The following DYNC1I2 variants were observed in gnomAD, a reference collection of about 807,000 sequenced individuals.
DYNC1I2 encodes cytoplasmic dynein 1 intermediate chain 2.
DYNC1I2 carries 53 observed loss-of-function variants against 88.6 expected under a neutral mutation model. The observed-to-expected ratio is 0.60, with a 90% CI of 0.48 to 0.75. DYNC1I2 has a LOEUF of 0.75. Among genes scored for constraint, DYNC1I2 ranks in the 30% least tolerant of loss-of-function variants. DYNC1I2 has a pLI of 0.00. For synonymous variants in DYNC1I2, 198 were observed against 254.6 expected (o/e 0.78, Z 2.12); for missense variants, 458 against 766.6 (o/e 0.60, Z 4.75).
At chr2:171,720,849 G>A (rs1473309484) in intron 7 of DYNC1I2, among the ~76,000 whole-genome samples, 1 of 152,062 alleles carries the variant, frequency 6.6e-6, no homozygotes, top group Non-Finnish European at 1.5e-5. Context: ...GAAAATTGAA[G>A]CATTTGTTCT....
At chr2:171,744,889 A>G (rs115536274) in intron 16 of DYNC1I2, among the ~76,000 whole-genome samples, 1,724 of 152,276 alleles carry the variant, frequency 0.011, 14 homozygotes, top group South Asian at 0.033. Context: ...GTCAATAACA[A>G]TTGTTGAGAG....
chr2:171,705,387 G>A (rs1442032302), intron 3 of DYNC1I2, among the ~76,000 whole-genome samples: 1 of 152,052 alleles, frequency 6.6e-6, no homozygotes, highest in African/African-American at 2.4e-5. Context: ...ATCACAAATA[G>A]ATTGATGGGA....
chr2:171,731,432 A>G (rs1035236032), intron 15 of DYNC1I2, among the ~76,000 whole-genome samples: 2 of 152,182 alleles, frequency 1.3e-5, no homozygotes, highest in Non-Finnish European at 2.9e-5. Context: ...AGGTCATCAA[A>G]TAGTGTGTTT....
At chr2:171,737,831 A>G (rs549060564) in intron 15 of DYNC1I2, among the ~76,000 whole-genome samples, 1 of 151,896 alleles carries the variant, frequency 6.6e-6, no homozygotes, top group East Asian at 1.9e-4. Context: ...TTTTAGGTTC[A>G]GGGGTACGTT....
intron 5 of DYNC1I2, 69 bp from the exon 6 acceptor site, chr2:171,712,698 G>C: frequency 9.4e-7 from 1 of 1,064,242 alleles, no homozygotes; most frequent in Non-Finnish European, 1.4e-6. Context: ...GCTATTCATA[G>C]AATGTATTTG....
chr2:171,697,223 G>A (rs1173192174), intron 3 of DYNC1I2, among the ~76,000 whole-genome samples: 1 of 151,788 alleles, frequency 6.6e-6, no homozygotes. Flanking sequence ...GTCTCACTAT[G>A]TTGCCAGGGC....
chr2:171,734,442 G>C (rs1485454747), intron 15 of DYNC1I2, among the ~76,000 whole-genome samples: 1 of 152,162 alleles, frequency 6.6e-6, no homozygotes. Context: ...GAATAAGAAT[G>C]ACAAGTGGGC....
intron 15 of DYNC1I2, among the ~76,000 whole-genome samples, chr2:171,739,052 G>A (rs1689210697): frequency 6.7e-6 from 1 of 148,620 alleles, no homozygotes; most frequent in Non-Finnish European, 1.5e-5. Context: ...GGAGGCAGAG[G>A]TTGCAGTGAG....
At chr2:171,693,232 A>G (rs926838766) in intron 3 of DYNC1I2, 10 of 280,508 alleles carry the variant, frequency 3.6e-5, no homozygotes, top group South Asian at 7.7e-5. Flanking sequence ...TCTGAACTCT[A>G]TATTCCTTTC....
chr2:171,727,866 G>C lies in DYNC1I2; in HGVS notation c.1042G>C (p.Val348Leu), dbSNP rs771016003. Residue 348 changes from valine to leucine, a missense_variant, in exon 12 of 18, where the codon GTT becomes CTT. Coordinates refer to ENST00000397119, the MANE Select transcript of DYNC1I2 (RefSeq NM_001378.3). ...ATTTGCAAAATTTCATCCAAATCTT[G>C]TTGTTGGTGGTACATATTCAGGCCA... ...ATFAKFHPNL[V>L]VGGTYSGQIV... 3.1e-6 allele frequency: 5 copies of C among 1,612,736 alleles called. No homozygotes were observed. The highest frequency in any genetic ancestry group is 1.7e-5 in the Admixed American group (1 of 59,918).
At chr2:171,720,989 A>T (rs1204699003) in intron 7 of DYNC1I2, among the ~76,000 whole-genome samples, 4 of 152,012 alleles carry the variant, frequency 2.6e-5, no homozygotes, top group African/African-American at 9.6e-5. Context: ...CCCAAATTTT[A>T]TATAAAAAGG....
intron 13 of DYNC1I2, 146 bp downstream of exon 13, chr2:171,728,564 C>CAT (rs1011221694): frequency 2.1e-4 from 171 of 827,084 alleles, no homozygotes; most frequent in Middle Eastern, 1.5e-3. Context: ...AAGTTTGTTT[C>CAT]ATATATATAT....
chr2:171,706,880 G>T (rs962641446), intron 4 of DYNC1I2: 2 of 401,676 alleles, frequency 5.0e-6, no homozygotes. Context: ...ACATATTTCA[G>T]AGTTGAATTT....
intron 7 of DYNC1I2, among the ~76,000 whole-genome samples, chr2:171,722,234 A>G (rs1687948202): frequency 6.6e-6 from 1 of 152,178 alleles, no homozygotes; most frequent in African/African-American, 2.4e-5. Flanking sequence ...TTTACAAAAC[A>G]GCTTTTCTTT....
chr2:171,735,080 C>T (rs1688913349), intron 15 of DYNC1I2, among the ~76,000 whole-genome samples: 2 of 152,278 alleles, frequency 1.3e-5, no homozygotes, highest in Admixed American at 6.5e-5. Flanking sequence ...AAGACTGAAT[C>T]GTGAGATATT....
intron 16 of DYNC1I2, among the ~76,000 whole-genome samples, chr2:171,745,293 A>G (rs1689705865): frequency 1.3e-5 from 2 of 152,194 alleles, no homozygotes; most frequent in Admixed American, 6.5e-5. Context: ...CTCATGGAAC[A>G]AGAGGCTTTA....
chr2:171,732,994 C>T (rs1390581020), intron 15 of DYNC1I2, among the ~76,000 whole-genome samples: 1 of 152,154 alleles, frequency 6.6e-6, no homozygotes, highest in Admixed American at 6.5e-5. Context: ...CCTCCTCCCA[C>T]GCTCACCCTT....
At position 171,713,250 on chromosome 2, in the gene DYNC1I2, A is replaced by G. The variant is rs149980638; in HGVS notation, c.395+424A>G. On this transcript the variant is annotated intron_variant, in intron 6 of 17. Coordinates refer to ENST00000397119, the MANE Select transcript of DYNC1I2 (RefSeq NM_001378.3). ...TGGTCCTTACACTGTTCATTCATTCATTACTATTTATTCATGAATCTAGAA... is the reference window on the plus strand; with the variant it reads ...TGGTCCTTACACTGTTCATTCATTCGTTACTATTTATTCATGAATCTAGAA... 3.7e-4 allele frequency among the ~76,000 whole-genome samples: 56 copies of G among 152,218 alleles called. No individual in the cohort carries two copies. The East Asian group carries it at 8.3e-3, about 23-fold the overall frequency.
intron 15 of DYNC1I2, among the ~76,000 whole-genome samples, chr2:171,731,419 A>G (rs1688601356): frequency 6.6e-6 from 1 of 152,208 alleles, no homozygotes; most frequent in East Asian, 1.9e-4. Context: ...ACACAAATAC[A>G]GCAGGTCATC....
Sources: allele counts gnomAD v4.1 joint callset (sites outside exome capture counted in the v4.1 genomes callset), GRCh38; gene constraint gnomAD v4.1.1; transcripts MANE v1.5; gene names NCBI Gene and HGNC (gene_info 2026-07-23, HGNC 2026-07-21).